The following DAOA variants were observed in gnomAD, a reference collection of about 807,000 sequenced individuals.
DAOA encodes D-amino acid oxidase regulator.
DAOA carries 15 observed loss-of-function variants against 16.4 expected under a neutral mutation model. The observed-to-expected ratio is 0.91, with a 90% confidence interval of 0.61 to 1.41. The LOEUF (loss-of-function observed/expected upper bound fraction) is 1.41. Ranked by LOEUF, DAOA falls within the 40% of genes most tolerant of loss-of-function variation. The probability of loss-of-function intolerance (pLI) is 0.00; values close to 1 mark genes in which losing one functional copy is unlikely to be tolerated. For synonymous variants in DAOA, 75 were observed against 59.1 expected, an observed-to-expected ratio of 1.27 and a Z score of -1.23; for missense variants, 230 against 176.8, an observed-to-expected ratio of 1.30 and a Z score of -1.71.
chr13:105,467,783 T>C (rs1405539930), intron 3 of DAOA: 1 of 151,676 alleles, frequency 6.6e-6, no homozygotes, highest in Admixed American at 6.6e-5. Flanking sequence ...TCTGGGCTTT[T>C]CTACACTATA....
At chr13:105,487,315 C>G (rs1475215739) in intron 4 of DAOA, among the ~76,000 whole-genome samples, 4 of 152,062 alleles carry the variant, frequency 2.6e-5, no homozygotes, top group Non-Finnish European at 5.9e-5. Flanking sequence ...GTACTAAGTC[C>G]ATGTTCTTTT....
At position 105,491,015 on chromosome 13, in the gene DAOA, A is replaced by T. The variant is rs1481546449; in HGVS notation, c.*215A>T. 2 of 152,044 alleles carry T rather than the reference A, an allele frequency of 1.3e-5. No homozygotes were observed. Among genetic ancestry groups the T allele is most frequent in the Non-Finnish European group, 2.9e-5 (2 of 68,002 alleles). The allele number at this position is 152,044 out of a possible 1,614,324, so 9.4% of individuals were successfully genotyped here. ...CTGGGAGAATCTCTCTTTTTATTAA[A>T]TGTGCTTCAAGTTTTAACAACTGAC... On this transcript the variant is annotated 3_prime_UTR_variant, in exon 6 of 6. Transcript: ENST00000375936.
chr13:105,468,654 GC>G (rs1876711187), intron 3 of DAOA, among the ~76,000 whole-genome samples: 2 of 152,186 alleles, frequency 1.3e-5, no homozygotes, highest in African/African-American at 4.8e-5. Context: ...AATTTGAGAA[GC>G]AAAATAATTA....
intron 4 of DAOA, among the ~76,000 whole-genome samples, chr13:105,480,411 C>G (rs1197791894): frequency 6.6e-6 from 1 of 151,892 alleles, no homozygotes; most frequent in Non-Finnish European, 1.5e-5. Context: ...CAATGGTAGA[C>G]ATTTGCCACT....
chr13:105,478,439 C>T (rs903939870), intron 4 of DAOA, among the ~76,000 whole-genome samples: 1 of 152,154 alleles, frequency 6.6e-6, no homozygotes, highest in African/African-American at 2.4e-5. Flanking sequence ...TGTACTTTTA[C>T]AAACTAGGAC....
rs888020952 is a variant in DAOA, at chr13:105,467,101, C to A, written c.93C>A (p.Ser31Arg). The A allele has an allele frequency of 6.8e-6, 11 of 1,610,480 alleles. No homozygotes were observed. Among genetic ancestry groups the A allele is most frequent in the Middle Eastern group, 1.6e-4 (1 of 6,062 alleles). Residue 31 changes from serine to arginine, a missense_variant, in exon 3 of 6, where the codon AGC becomes AGA. Coordinates refer to ENST00000375936, the MANE Select transcript of DAOA (RefSeq NM_172370.5). ...TCTACTTCATAGGTTTTCAAAGGAG[C>A]ATTCTTCTGAGCAAATCTGAAAACT... The part of the protein sequence containing the change: ...GKIYFIGFQR[S>R]ILLSKSENSL...
chr13:105,474,440 A>C (rs576842697), intron 4 of DAOA, among the ~76,000 whole-genome samples: 2 of 152,222 alleles, frequency 1.3e-5, no homozygotes, highest in South Asian at 2.1e-4. Context: ...TAATGGCACT[A>C]TTCTGCTTCT....
At chr13:105,469,698 A>T (rs1023507399) in intron 3 of DAOA, among the ~76,000 whole-genome samples, 1 of 152,166 alleles carries the variant, frequency 6.6e-6, no homozygotes, top group African/African-American at 2.4e-5. Context: ...TTTTGGTAGC[A>T]TTCCTTCTTT....
intron 4 of DAOA, among the ~76,000 whole-genome samples, chr13:105,486,197 G>A (rs931935026): frequency 1.8e-4 from 28 of 152,144 alleles, no homozygotes; most frequent in African/African-American, 6.0e-4. Flanking sequence ...TGATCTAAAT[G>A]GACCTCAATA....
intron 3 of DAOA, among the ~76,000 whole-genome samples, chr13:105,468,950 A>G (rs1312995384): frequency 6.6e-6 from 1 of 152,240 alleles, no homozygotes; most frequent in African/African-American, 2.4e-5. Context: ...AGACATGAAC[A>G]TGAAATGTGG....
intron 5 of DAOA, chr13:105,490,588 C>T (rs1878448608): frequency 6.6e-6 from 1 of 152,110 alleles, no homozygotes; most frequent in Admixed American, 6.6e-5. Flanking sequence ...TATTGATGGA[C>T]CCTTCCCTAC....
intron 3 of DAOA, among the ~76,000 whole-genome samples, 174 bp from the exon 4 acceptor site, chr13:105,472,364 A>G (rs575756841): frequency 1.3e-5 from 2 of 152,214 alleles, no homozygotes; most frequent in African/African-American, 2.4e-5. Context: ...GTATATTTCA[A>G]TCAACAGATG....
At chr13:105,473,310 T>C (rs1041318527) in intron 4 of DAOA, among the ~76,000 whole-genome samples, 3 of 152,206 alleles carry the variant, frequency 2.0e-5, no homozygotes, top group African/African-American at 7.2e-5. Context: ...TTTTGCCTCT[T>C]ATGATAATTA....
At chr13:105,477,383 A>G (rs1463772676) in intron 4 of DAOA, among the ~76,000 whole-genome samples, 4 of 152,244 alleles carry the variant, frequency 2.6e-5, no homozygotes, top group African/African-American at 2.4e-5. Context: ...CATATTGGTT[A>G]TAAAAATAAT....
chr13:105,468,172 T>C (rs560624770), intron 3 of DAOA, among the ~76,000 whole-genome samples: 1 of 152,286 alleles, frequency 6.6e-6, no homozygotes, highest in South Asian at 2.1e-4. Flanking sequence ...TGTGACTACC[T>C]TGGACCCACC....
chr13:105,487,202 T>C (rs1394116092), intron 4 of DAOA, among the ~76,000 whole-genome samples: 1 of 152,160 alleles, frequency 6.6e-6, no homozygotes, highest in African/African-American at 2.4e-5. Flanking sequence ...TATTTAGCAA[T>C]TATTTTGCAC....
chr13:105,473,393 A>G (rs1346586530), intron 4 of DAOA, among the ~76,000 whole-genome samples: 1 of 152,124 alleles, frequency 6.6e-6, no homozygotes, highest in African/African-American at 2.4e-5. Context: ...TGTTAGGCTT[A>G]ACGAGAATAA....
At chr13:105,468,073 G>A (rs952739108) in intron 3 of DAOA, among the ~76,000 whole-genome samples, 7 of 152,060 alleles carry the variant, frequency 4.6e-5, no homozygotes, top group African/African-American at 1.7e-4. Flanking sequence ...TGTCTTTAGA[G>A]TCAGCAATGT....
At chr13:105,487,708 T>A (rs1332642966) in intron 4 of DAOA, among the ~76,000 whole-genome samples, 1 of 152,178 alleles carries the variant, frequency 6.6e-6, no homozygotes, top group African/African-American at 2.4e-5. Context: ...ATATACTACA[T>A]ACTATTTTAA....
Sources: allele counts gnomAD v4.1 joint callset (sites outside exome capture counted in the v4.1 genomes callset), GRCh38; gene constraint gnomAD v4.1.1; transcripts MANE v1.5; gene names NCBI Gene and HGNC (gene_info 2026-07-23, HGNC 2026-07-21).